The following FAM200B variants were observed in gnomAD, a reference collection of about 807,000 sequenced individuals.
FAM200B encodes protein FAM200B.
FAM200B carries 32 observed loss-of-function variants against 33.1 expected under a neutral mutation model. The ratio of observed to expected loss-of-function variants is 0.97; its 90% CI spans 0.73 to 1.30. The LOEUF is 1.30. Among genes scored for constraint, FAM200B ranks in the 50% most tolerant of loss-of-function variants. The pLI is 0.00. For synonymous variants in FAM200B, 240 were observed against 264.8 expected (o/e 0.91, Z 0.91); for missense variants, 741 against 754.0 (o/e 0.98, Z 0.20).
chr4:15,654,189 A>G, the FAM200B span, among the ~76,000 whole-genome samples: 6 of 152,202 alleles, frequency 3.9e-5, no homozygotes, highest in Non-Finnish European at 8.8e-5. Flanking sequence ...AATGCTATGC[A>G]ATTTCTGAGA....
the FAM200B span, among the ~76,000 whole-genome samples, chr4:15,664,465 C>T: frequency 6.6e-6 from 1 of 151,130 alleles, no homozygotes; most frequent in Non-Finnish European, 1.5e-5. Context: ...GTACCTAGTA[C>T]AGTACCTCAC....
At chr4:15,643,659 G>C in the FAM200B span, among the ~76,000 whole-genome samples, 1 of 152,076 alleles carries the variant, frequency 6.6e-6, no homozygotes, top group Admixed American at 6.6e-5. Flanking sequence ...CACTAGCCTC[G>C]GCCTCCCAGA....
Position 15,689,045 on chromosome 4 carries a change from C to T in FAM200B, c.*94C>T, listed in dbSNP as rs1032155500. The T allele has an allele frequency of 8.7e-6, 8 of 916,542 alleles. No individual in the cohort carries two copies. Among genetic ancestry groups the T allele is most frequent in the African/African-American group, 1.7e-5 (1 of 57,782 alleles). The allele number at this position is 916,542 out of a possible 1,614,324, so 56.8% of individuals were successfully genotyped here. A position where few individuals can be genotyped will look rare whatever the true frequency, so the allele number is the denominator to read the frequency against. Reference sequence around the variant, plus strand: ...TAAATGGTACTATAATACTGTGATACTTTTGTTATGTTTTAATTTTTGTTA... The same window carrying T: ...TAAATGGTACTATAATACTGTGATATTTTTGTTATGTTTTAATTTTTGTTA... On this transcript the variant is annotated 3_prime_UTR_variant, in exon 2 of 2. Transcript: ENST00000422728.
the FAM200B span, among the ~76,000 whole-genome samples, chr4:15,676,317 A>C: frequency 3.7e-3 from 559 of 152,302 alleles, 6 homozygotes; most frequent in African/African-American, 0.013. Context: ...TTTTACCATT[A>C]GTTTACAGAA....
chr4:15,644,569 G>T, the FAM200B span: 1 of 1,614,020 alleles, frequency 6.2e-7, no homozygotes. Context: ...ATTATAAATG[G>T]TCTGGCTGCG....
Position 15,687,223 on chromosome 4 carries a change from C to A in FAM200B, c.246C>A (p.Asp82Glu), listed in dbSNP as rs1409380586. Residue 82 changes from aspartate (D) to glutamate (E), a missense_variant, in exon 2 of 2, where the codon GAC becomes GAA. Coordinates refer to ENST00000422728, the MANE Select transcript of FAM200B (RefSeq NM_001145191.2). Reference protein sequence around the residue: ...FIKCEKPFENDRPQCVICNNI... With the variant: ...FIKCEKPFENERPQCVICNNI... ...AATGTGAAAAACCCTTTGAAAATGACAGACCTCAGTGTGTTATTTGTAATA... is the reference window on the plus strand; with the variant it reads ...AATGTGAAAAACCCTTTGAAAATGAAAGACCTCAGTGTGTTATTTGTAATA... 1 of 1,539,960 alleles carries A rather than the reference C, an allele frequency of 6.5e-7. No individual in the cohort carries two copies. Among genetic ancestry groups the A allele is most frequent in the Non-Finnish European group, 8.8e-7 (1 of 1,142,530 alleles).
chr4:15,673,921 A>G, the FAM200B span, among the ~76,000 whole-genome samples: 2 of 152,246 alleles, frequency 1.3e-5, no homozygotes, highest in African/African-American at 4.8e-5. Context: ...TTTGTTTCCT[A>G]TTGATCAAGG....
the FAM200B span, chr4:15,640,669 C>A: frequency 2.1e-6 from 1 of 474,700 alleles, no homozygotes; most frequent in Non-Finnish European, 3.8e-6. Flanking sequence ...AAAAGAACTG[C>A]GTTCTTCTCT....
the FAM200B span, among the ~76,000 whole-genome samples, chr4:15,638,037 A>G: frequency 6.6e-6 from 1 of 152,166 alleles, no homozygotes; most frequent in Non-Finnish European, 1.5e-5. Context: ...AATAATACAT[A>G]GGAAAGGATG....
At chr4:15,672,831 T>C in the FAM200B span, among the ~76,000 whole-genome samples, 1 of 152,228 alleles carries the variant, frequency 6.6e-6, no homozygotes, top group Non-Finnish European at 1.5e-5. Flanking sequence ...GACTCTCTTG[T>C]AATAACATTT....
the FAM200B span, chr4:15,656,123 G>C: frequency 2.2e-6 from 1 of 454,400 alleles, no homozygotes; most frequent in South Asian, 1.6e-5. Flanking sequence ...GACGGGCCTT[G>C]GGGGTGGGGA....
chr4:15,688,953 A>G lies in FAM200B; in HGVS notation c.*2A>G. ...AACAGGCAAGCACACCCATCATAGT[A>G]AATAAAAATCTTACCTAGCTTTTGT... On this transcript the variant is annotated 3_prime_UTR_variant, in exon 2 of 2. Coordinates refer to ENST00000422728, the MANE Select transcript of FAM200B (RefSeq NM_001145191.2). The G allele has an allele frequency of 7.0e-7, 1 of 1,428,500 alleles. No homozygotes were observed. The highest frequency in any genetic ancestry group is 1.6e-5 in the South Asian group (1 of 61,714). The allele number at this position is 1,428,500 out of a possible 1,614,324, so 88.5% of individuals were successfully genotyped here.
chr4:15,658,000 G>C, the FAM200B span, among the ~76,000 whole-genome samples: 1 of 152,200 alleles, frequency 6.6e-6, no homozygotes, highest in Non-Finnish European at 1.5e-5. Flanking sequence ...AGAATAACTG[G>C]TAGAATTGGT....
chr4:15,652,959 A>C, the FAM200B span, among the ~76,000 whole-genome samples: 1 of 152,350 alleles, frequency 6.6e-6, no homozygotes, highest in Admixed American at 6.5e-5. Flanking sequence ...GATAAAAACA[A>C]ACAAGGTACT....
the FAM200B span, chr4:15,655,318 C>CGCG: frequency 2.2e-6 from 3 of 1,359,918 alleles, no homozygotes; most frequent in Non-Finnish European, 2.9e-6. Context: ...CCTCAGCAGC[C>CGCG]GCGGCCGCCG....
the FAM200B span, among the ~76,000 whole-genome samples, chr4:15,647,101 T>C: frequency 6.6e-6 from 1 of 150,912 alleles, no homozygotes; most frequent in Non-Finnish European, 1.5e-5. Flanking sequence ...TGTGCACCTG[T>C]AGTCCCAGCT....
the FAM200B span, among the ~76,000 whole-genome samples, chr4:15,638,859 A>G: frequency 6.6e-6 from 1 of 152,234 alleles, no homozygotes; most frequent in African/African-American, 2.4e-5. Context: ...AAAATTGCAG[A>G]GAAGAGTACA....
Position 15,689,122 on chromosome 4 carries a change from G to A in FAM200B, c.*171G>A. ...TTGAACAAAAATTTAATGAATTTCT[G>A]TTAGAGGCCAGGAACTATTCTAGAG... On this transcript the variant is annotated 3_prime_UTR_variant, in exon 2 of 2. Transcript: ENST00000422728. 2.0e-6 allele frequency: 1 copy of A among 497,174 alleles called. No homozygotes were observed. The highest frequency in any genetic ancestry group is 3.3e-6 in the Non-Finnish European group (1 of 300,100). 30.8% of individuals were successfully genotyped at this position (497,174 alleles called of 1,614,324 possible).
chr4:15,668,151 T>C, the FAM200B span, among the ~76,000 whole-genome samples: 1 of 151,842 alleles, frequency 6.6e-6, no homozygotes, highest in South Asian at 2.1e-4. Context: ...TGTGACTTAA[T>C]GTGTGAAGGA....
Sources: allele counts gnomAD v4.1 joint callset (sites outside exome capture counted in the v4.1 genomes callset), GRCh38; gene constraint gnomAD v4.1.1; transcripts MANE v1.5; gene names NCBI Gene and HGNC (gene_info 2026-07-23, HGNC 2026-07-21).